Variants in RSPO3 observed in about 807,000 individuals in gnomAD.
The protein encoded by RSPO3 is R-spondin-3.
A neutral mutation model predicts 36.5 loss-of-function variants in RSPO3; 17 were observed. The observed-to-expected ratio is 0.47, with a 90% confidence interval of 0.32 to 0.70. The LOEUF is 0.70. Among genes scored for constraint, RSPO3 ranks in the 30% least tolerant of loss-of-function variants. The pLI is 0.04. For missense variants in RSPO3, 294 were observed against 322.5 expected, an observed-to-expected ratio of 0.91 and a Z score of 0.68; for synonymous variants, 108 against 107.0, an observed-to-expected ratio of 1.01 and a Z score of -0.06.
intron 4 of RSPO3, among the ~76,000 whole-genome samples, chr6:127,186,755 A>T (rs899866938): frequency 2.6e-5 from 4 of 152,212 alleles, no homozygotes; most frequent in Non-Finnish European, 4.4e-5. Flanking sequence ...TATCGCAAAT[A>T]ATGTGAAAAG....
chr6:127,170,082 A>C (rs1774905649), intron 4 of RSPO3, among the ~76,000 whole-genome samples: 1 of 151,752 alleles, frequency 6.6e-6, no homozygotes, highest in Admixed American at 6.6e-5. Flanking sequence ...AAGGTCTGCC[A>C]AAAAAGTTGA....
rs149048507 is a variant in RSPO3, at chr6:127,144,460, T to A, written c.98-4188T>A. On this transcript the variant is annotated intron_variant, in intron 1 of 4. Transcript: ENST00000356698. ...ATGATTATGATAGCTTCTACTTACT[T>A]GTATCATAAGGCAATTACCACAGTT... Among the ~76,000 whole-genome samples the A allele has an allele frequency of 6.5e-4, 99 of 152,276 alleles. 3 individuals are homozygous for A. The East Asian group carries it at 0.015, about 23-fold the overall frequency.
chr6:127,133,540 A>C (rs576347269), intron 1 of RSPO3, among the ~76,000 whole-genome samples: 15 of 152,268 alleles, frequency 9.9e-5, no homozygotes, highest in Admixed American at 9.8e-4. Context: ...AACTGATCTT[A>C]AAGTCCACTC....
At chr6:127,156,794 T>C (rs1774604809) in intron 4 of RSPO3, among the ~76,000 whole-genome samples, 3 of 152,224 alleles carry the variant, frequency 2.0e-5, no homozygotes, top group Middle Eastern at 3.4e-3. Flanking sequence ...AGGGAGATTA[T>C]AGATGTGTGA....
At chr6:127,194,908 A>G (rs1775483512) in intron 4 of RSPO3, among the ~76,000 whole-genome samples, 1 of 152,200 alleles carries the variant, frequency 6.6e-6, no homozygotes, top group Non-Finnish European at 1.5e-5. Flanking sequence ...AGCTTGTACC[A>G]GAGGGTTATT....
At chr6:127,136,163 G>T (rs1774153436) in intron 1 of RSPO3, among the ~76,000 whole-genome samples, 1 of 152,158 alleles carries the variant, frequency 6.6e-6, no homozygotes, top group African/African-American at 2.4e-5. Context: ...TCCAAGGGTT[G>T]ACCTTCCAGA....
intron 2 of RSPO3, among the ~76,000 whole-genome samples, chr6:127,149,458 A>G (rs749799754): frequency 6.6e-6 from 1 of 152,000 alleles, no homozygotes; most frequent in Non-Finnish European, 1.5e-5. Context: ...AAGCCTTTGC[A>G]ATTGTGTTCT....
chr6:127,143,953 C>T (rs1562243547), intron 1 of RSPO3, among the ~76,000 whole-genome samples: 1 of 152,132 alleles, frequency 6.6e-6, no homozygotes, highest in Admixed American at 6.6e-5. Context: ...TGAATTAACT[C>T]TTATGATAAT....
intron 1 of RSPO3, among the ~76,000 whole-genome samples, chr6:127,131,180 A>G (rs1582786196): frequency 6.6e-6 from 1 of 152,226 alleles, no homozygotes; most frequent in East Asian, 1.9e-4. Flanking sequence ...AGTACAATCA[A>G]TAACATTTGC....
intron 4 of RSPO3, among the ~76,000 whole-genome samples, chr6:127,164,125 C>T (rs1774766097): frequency 1.3e-5 from 2 of 152,004 alleles, no homozygotes; most frequent in African/African-American, 4.8e-5. Flanking sequence ...TTTCAGTATC[C>T]CTGCATCCAA....
intron 4 of RSPO3, among the ~76,000 whole-genome samples, chr6:127,194,312 CTTATT>C (rs1775469671): frequency 6.6e-6 from 1 of 152,116 alleles, no homozygotes; most frequent in African/African-American, 2.4e-5. Flanking sequence ...TCAAAAGTTA[CTTATT>C]TTAGACAGTC....
At chr6:127,185,543 A>G (rs1393989256) in intron 4 of RSPO3, among the ~76,000 whole-genome samples, 1 of 152,138 alleles carries the variant, frequency 6.6e-6, no homozygotes, top group African/African-American at 2.4e-5. Flanking sequence ...TGTAGCTAAT[A>G]AAGAGCTGAA....
At chr6:127,187,284 T>G (rs73771620) in intron 4 of RSPO3, among the ~76,000 whole-genome samples, 1 of 152,130 alleles carries the variant, frequency 6.6e-6, no homozygotes, top group African/African-American at 2.4e-5. Context: ...GAAATATTAG[T>G]GTTAGGACGC....
At chr6:127,165,135 A>T (rs1421134577) in intron 4 of RSPO3, among the ~76,000 whole-genome samples, 2 of 152,074 alleles carry the variant, frequency 1.3e-5, no homozygotes, top group Admixed American at 6.6e-5. Context: ...AGAAAATATG[A>T]ATAGTTGCTA....
intron 1 of RSPO3, among the ~76,000 whole-genome samples, chr6:127,122,448 C>T (rs1773864435): frequency 6.6e-6 from 1 of 152,134 alleles, no homozygotes; most frequent in Non-Finnish European, 1.5e-5. Flanking sequence ...CACATTTTCA[C>T]GTGGATTAGT....
intron 4 of RSPO3, among the ~76,000 whole-genome samples, chr6:127,157,882 C>T (rs1299741609): frequency 6.6e-6 from 1 of 151,712 alleles, no homozygotes; most frequent in African/African-American, 2.4e-5. Context: ...GTTTAGTTAG[C>T]AAGTATCCTA....
intron 4 of RSPO3, among the ~76,000 whole-genome samples, chr6:127,186,803 T>C (rs1775304073): frequency 6.6e-6 from 1 of 152,110 alleles, no homozygotes; most frequent in Non-Finnish European, 1.5e-5. Context: ...ACTAAAGAAA[T>C]AATTTTTCCA....
chr6:127,161,544 T>C (rs1425781837), intron 4 of RSPO3, among the ~76,000 whole-genome samples: 1 of 152,048 alleles, frequency 6.6e-6, no homozygotes, highest in Non-Finnish European at 1.5e-5. Context: ...TCGAAAATCA[T>C]GGTGGACATT....
chr6:127,150,439 C>T lies in RSPO3; in HGVS notation c.303C>T (p.Asp101=). The part of the protein sequence containing the change: ...DINKCTKCKA[D]CDTCFNKNFC... Reference sequence around the variant, plus strand: ...TTTCTCTTTCAGAATGCAAAGCTGACTGTGATACCTGTTTCAACAAAAATT... The same window carrying T: ...TTTCTCTTTCAGAATGCAAAGCTGATTGTGATACCTGTTTCAACAAAAATT... Residue 101 remains aspartate (D), a synonymous_variant, in exon 3 of 5, where the codon GAC becomes GAT. Transcript: ENST00000356698. 6.2e-7 allele frequency: 1 copy of T among 1,611,208 alleles called. No individual in the cohort carries two copies. The highest frequency in any genetic ancestry group is 8.5e-7 in the Non-Finnish European group (1 of 1,178,782).
Sources: allele counts gnomAD v4.1 joint callset (sites outside exome capture counted in the v4.1 genomes callset), GRCh38; gene constraint gnomAD v4.1.1; transcripts MANE v1.5; gene names NCBI Gene and HGNC (gene_info 2026-07-23, HGNC 2026-07-21).